Variants in PDE1C observed in about 807,000 individuals in gnomAD.
The protein encoded by PDE1C is phosphodiesterase 1C, also known as dual specificity calcium/calmodulin-dependent 3',5'-cyclic nucleotide phosphodiesterase 1C.
A neutral mutation model predicts 93.1 loss-of-function variants in PDE1C; 62 were observed. That is an observed-to-expected ratio of 0.67 (90% CI 0.54 to 0.82). The LOEUF (loss-of-function observed/expected upper bound fraction) is 0.82, where lower values mean the gene tolerates loss of function less well. Ranked by LOEUF, PDE1C falls within the 40% of genes least tolerant of loss-of-function variation. PDE1C has a pLI of 0.00. For missense variants in PDE1C, 742 were observed against 884.6 expected, an observed-to-expected ratio of 0.84 and a Z score of 2.04; for synonymous variants, 325 against 310.1, an observed-to-expected ratio of 1.05 and a Z score of -0.50.
At chr7:32,331,592 G>A (rs931340320) in intron 1 of PDE1C, among the ~76,000 whole-genome samples, 4 of 152,136 alleles carry the variant, frequency 2.6e-5, no homozygotes, top group African/African-American at 7.2e-5. Flanking sequence ...GGTTGGAGGC[G>A]AGTTAGGAAG....
chr7:32,201,393 T>A (rs543533536), intron 2 of PDE1C, among the ~76,000 whole-genome samples: 57 of 152,264 alleles, frequency 3.7e-4, no homozygotes, highest in African/African-American at 1.1e-3. Flanking sequence ...ACAAAAAAAA[T>A]TCTATTCATA....
chr7:32,299,241 G>T, exon 1 of PDE1C: 7 of 987,866 alleles, frequency 7.1e-6, no homozygotes, highest in Middle Eastern at 5.2e-4. Context: ...CTGGCAGACC[G>T]GGGAGCTTCC....
chr7:31,997,788 T>C (rs907394263), intron 2 of PDE1C, among the ~76,000 whole-genome samples: 1 of 152,142 alleles, frequency 6.6e-6, no homozygotes, highest in Non-Finnish European at 1.5e-5. Context: ...TGATTGTAGA[T>C]AAAGCCATTT....
chr7:31,722,827 A>T, the PDE1C span, among the ~76,000 whole-genome samples: 1 of 152,092 alleles, frequency 6.6e-6, no homozygotes, highest in Admixed American at 6.5e-5. Context: ...TTAAATTAGG[A>T]AAGTTCTCAG....
chr7:32,414,546 T>C (rs10281835), intron 1 of PDE1C, among the ~76,000 whole-genome samples: 27,222 of 152,194 alleles, frequency 0.18, 5,209 homozygotes, highest in African/African-American at 0.48. Flanking sequence ...ACAAGCATGC[T>C]TTTTTAAAAG....
Position 32,369,289 on chromosome 7 carries a change from A to G in PDE1C, c.310+58533T>C, listed in dbSNP as rs528164037. 4.6e-5 allele frequency among the ~76,000 whole-genome samples: 7 copies of G among 152,366 alleles called. No homozygotes were observed. In the South Asian group the frequency reaches 1.4e-3, roughly 32 times the overall value. ...TCCAGAATATACAAGGAACTCAAAC[A>G]TCTCAACAGCAAAAACAAATTAATG... On this transcript the variant is annotated intron_variant, in intron 1 of 1. Transcript: ENST00000672256.
chr7:32,010,041 GAGATAC>G (rs1305018065), intron 2 of PDE1C, among the ~76,000 whole-genome samples: 1 of 152,120 alleles, frequency 6.6e-6, no homozygotes, highest in African/African-American at 2.4e-5. Flanking sequence ...AAATAATGTT[GAGATAC>G]ACCTATGTTT....
chr7:31,645,893 A>C, the PDE1C span, among the ~76,000 whole-genome samples: 2,339 of 152,280 alleles, frequency 0.015, 24 homozygotes, highest in Non-Finnish European at 0.023. Flanking sequence ...TGTAAAACTC[A>C]GCTCTAAGAG....
In PDE1C at chr7:32,350,573, TATATATATATATA is replaced by T. The variant is rs1783946715; in HGVS notation, c.310+77236_310+77248del. Among the ~76,000 whole-genome samples, 7 of 4,956 alleles carry T rather than the reference TATATATATATATA, an allele frequency of 1.4e-3. 1 individual carries two copies. The highest frequency in any genetic ancestry group is 0.033 in the East Asian group (2 of 60). 3.3% of individuals were successfully genotyped at this position (4,956 alleles called of 152,430 possible). A position where few individuals can be genotyped will look rare whatever the true frequency, so the allele number is the denominator to read the frequency against. ...ATATATATATATATATATATATATA[TATATATATATATA>T]TATATTTTTTTTTTTTTTTTTATTA... On this transcript the variant is annotated intron_variant, in intron 1 of 1. Coordinates refer to the PDE1C transcript ENST00000672256.
intron 16 of PDE1C, among the ~76,000 whole-genome samples, chr7:31,792,909 C>T (rs1784744961): frequency 1.3e-5 from 2 of 152,160 alleles, no homozygotes; most frequent in South Asian, 2.1e-4. Context: ...AACTTTCTTG[C>T]CACATCTTGG....
At chr7:32,071,423 G>C, upstream of PDE1C, 1 of 985,470 alleles carries the variant, frequency 1.0e-6, no homozygotes, top group Non-Finnish European at 1.2e-6. Context: ...AAAAACTCTT[G>C]ATGTTTTCTT....
At chr7:32,205,947 A>G (rs1010936337) in intron 2 of PDE1C, among the ~76,000 whole-genome samples, 4 of 152,220 alleles carry the variant, frequency 2.6e-5, no homozygotes, top group African/African-American at 9.6e-5. Flanking sequence ...AAGAACTGTA[A>G]CACTCACCAG....
At chr7:31,857,028 A>G (rs1794108056) in intron 7 of PDE1C, among the ~76,000 whole-genome samples, 1 of 152,062 alleles carries the variant, frequency 6.6e-6, no homozygotes. Flanking sequence ...CTCTAAGAAC[A>G]CCAGTCATAA....
rs576410007 is a variant in PDE1C, at chr7:31,894,889, G to GAGTTCTGGGGCAA, written c.129-14042_129-14030dup. Reference sequence around the variant, plus strand: ...AAAGTGGTGTCTATGAAGTACATCAGAGTTCTGGGGCAAAGTCCTGAGGCA... The same window carrying GAGTTCTGGGGCAA: ...AAAGTGGTGTCTATGAAGTACATCAGAGTTCTGGGGCAAAGTTCTGGGGCAAAGTCCTGAGGCA... On this transcript the variant is annotated intron_variant, in intron 2 of 17. Coordinates refer to ENST00000396191, the MANE Select transcript of PDE1C (RefSeq NM_001191057.4). Among the ~76,000 whole-genome samples the GAGTTCTGGGGCAA allele has an allele frequency of 2.4e-3, 369 of 152,280 alleles. 2 individuals carry two copies. Among genetic ancestry groups the GAGTTCTGGGGCAA allele is most frequent in the African/African-American group, 8.4e-3 (351 of 41,552 alleles).
the PDE1C span, among the ~76,000 whole-genome samples, chr7:31,715,868 AAG>A: frequency 6.6e-6 from 1 of 152,184 alleles, no homozygotes; most frequent in Admixed American, 6.5e-5. Context: ...TGAGACTTCT[AAG>A]AGAGTCTGCT....
the PDE1C span, among the ~76,000 whole-genome samples, chr7:31,696,273 C>G: frequency 6.6e-6 from 1 of 152,188 alleles, no homozygotes; most frequent in Non-Finnish European, 1.5e-5. Flanking sequence ...TCACAACACA[C>G]CTTGAGGGTT....
intron 3 of PDE1C, among the ~76,000 whole-genome samples, chr7:32,099,293 C>T (rs774363844): frequency 5.3e-5 from 8 of 152,166 alleles, no homozygotes; most frequent in Non-Finnish European, 1.0e-4. Context: ...AAAGTACCTA[C>T]AGGAGTAAAT....
chr7:32,268,026 C>G (rs1442951138), intron 1 of PDE1C, among the ~76,000 whole-genome samples: 1 of 152,184 alleles, frequency 6.6e-6, no homozygotes, highest in African/African-American at 2.4e-5. Flanking sequence ...CTAACAGGAT[C>G]AGCCACTAGG....
intron 3 of PDE1C, chr7:32,078,113 C>A (rs1796454688): frequency 2.7e-6 from 2 of 751,490 alleles, no homozygotes; most frequent in Non-Finnish European, 3.2e-6. Flanking sequence ...CAAATTCTGA[C>A]CCAAAGGTAC....
Sources: gnomAD v4.1 joint callset for allele counts (sites outside exome capture counted in the v4.1 genomes callset) on GRCh38, gnomAD v4.1.1 for gene constraint, MANE v1.5 for transcripts, NCBI Gene and HGNC (gene_info 2026-07-23, HGNC 2026-07-21) for gene names.